The following FHIT variants were observed in gnomAD, a reference collection of about 807,000 sequenced individuals.
The protein encoded by FHIT is bis(5'-adenosyl)-triphosphatase.
Under a neutral mutation model 17.9 loss-of-function variants are expected in FHIT, and 19 were observed. That is an observed-to-expected ratio of 1.06 (90% CI 0.74 to 1.56). The LOEUF (loss-of-function observed/expected upper bound fraction) is 1.56, where lower values mean the gene tolerates loss of function less well. Among genes scored for constraint, FHIT ranks in the 40% most tolerant of loss-of-function variants. The probability of loss-of-function intolerance (pLI) is 0.00; values close to 1 mark genes in which losing one functional copy is unlikely to be tolerated. For synonymous variants in FHIT, 81 were observed against 69.7 expected, an observed-to-expected ratio of 1.16 and a Z score of -0.81; for missense variants, 248 against 189.2, an observed-to-expected ratio of 1.31 and a Z score of -1.82.
chr3:60,142,524 T>C lies in FHIT; in HGVS notation c.104-128372A>G, dbSNP rs1265224094. Among the ~76,000 whole-genome samples, 3 of 152,032 alleles carry C rather than the reference T, an allele frequency of 2.0e-5. No homozygotes were observed. In the East Asian group the frequency reaches 5.8e-4, roughly 29 times the overall value. ...GTTGTTGTTATTGTTTTACAAAGGGTTTCTCAGTCTGTTGTCCAGGCTGCA... is the reference window on the plus strand; with the variant it reads ...GTTGTTGTTATTGTTTTACAAAGGGCTTCTCAGTCTGTTGTCCAGGCTGCA... On this transcript the variant is annotated intron_variant, in intron 5 of 9. Coordinates refer to ENST00000492590, the MANE Select transcript of FHIT (RefSeq NM_002012.4).
At chr3:60,221,676 T>A (rs1233026261) in intron 5 of FHIT, among the ~76,000 whole-genome samples, 1 of 152,108 alleles carries the variant, frequency 6.6e-6, no homozygotes, top group Non-Finnish European at 1.5e-5. Flanking sequence ...TAATCCCAGC[T>A]CATAGTCATT....
At chr3:60,643,144 G>A (rs1192200329) in intron 4 of FHIT, among the ~76,000 whole-genome samples, 1 of 152,112 alleles carries the variant, frequency 6.6e-6, no homozygotes, top group Non-Finnish European at 1.5e-5. Context: ...TCGAATGAAT[G>A]AGTCTTCACT....
chr3:60,842,645 AT>A (rs1170383044), intron 3 of FHIT, among the ~76,000 whole-genome samples: 1,350 of 94,528 alleles, frequency 0.014, 20 homozygotes, highest in African/African-American at 0.048. Flanking sequence ...ATATATATAT[AT>A]TTTTTTTTTT....
At chr3:60,407,002 A>G (rs1701885407) in intron 5 of FHIT, among the ~76,000 whole-genome samples, 1 of 150,284 alleles carries the variant, frequency 6.7e-6, no homozygotes, top group East Asian at 2.0e-4. Context: ...CTTTCTGTCA[A>G]TTCTCAAGTC....
chr3:61,240,612 C>G (rs1428927799), intron 1 of FHIT, among the ~76,000 whole-genome samples: 1 of 152,164 alleles, frequency 6.6e-6, no homozygotes, highest in African/African-American at 2.4e-5. Context: ...TCAGCCCATA[C>G]AATTGAGTCT....
chr3:60,963,918 G>C (rs1394493516), intron 3 of FHIT, among the ~76,000 whole-genome samples: 1 of 152,168 alleles, frequency 6.6e-6, no homozygotes, highest in African/African-American at 2.4e-5. Context: ...TTGATTTGGG[G>C]TGGAGAGTTC....
At chr3:59,866,448 T>C (rs777245510) in intron 8 of FHIT, among the ~76,000 whole-genome samples, 2 of 152,138 alleles carry the variant, frequency 1.3e-5, no homozygotes, top group Admixed American at 1.3e-4. Context: ...TGTGTAGTGG[T>C]TGGAAGCCAA....
intron 4 of FHIT, among the ~76,000 whole-genome samples, chr3:60,748,482 G>A (rs1376895578): frequency 2.6e-5 from 4 of 152,060 alleles, no homozygotes; most frequent in Non-Finnish European, 5.9e-5. Flanking sequence ...ATATAAAATA[G>A]CAAATATAAC....
intron 5 of FHIT, among the ~76,000 whole-genome samples, chr3:60,223,340 C>G (rs1704048034): frequency 6.6e-6 from 1 of 152,186 alleles, no homozygotes; most frequent in Non-Finnish European, 1.5e-5. Flanking sequence ...TAGCAAAAGG[C>G]AGAAGTCGTG....
intron 2 of FHIT, among the ~76,000 whole-genome samples, chr3:61,059,588 G>A (rs73108397): frequency 0.013 from 2,012 of 152,104 alleles, 26 homozygotes; most frequent in Non-Finnish European, 0.02. Context: ...AAAGTAGGAG[G>A]AAATGGAGAC....
At position 60,383,887 on chromosome 3, in the gene FHIT, C is replaced by G. The variant is rs145340162; in HGVS notation, c.103+152973G>C. Among the ~76,000 whole-genome samples the G allele has an allele frequency of 8.7e-3, 1,305 of 149,504 alleles. 24 individuals carry two copies. The highest frequency in any genetic ancestry group is 0.032 in the African/African-American group (1,261 of 38,954). ...GTCAAGTTCTCACTGTCAAAAAAGA[C>G]ATATTAATTGCAAAAAAGCAAAAAC... On this transcript the variant is annotated intron_variant, in intron 5 of 9. Transcript: ENST00000492590.
intron 3 of FHIT, among the ~76,000 whole-genome samples, chr3:60,939,961 T>C (rs1260102617): frequency 3.9e-5 from 6 of 152,076 alleles, no homozygotes; most frequent in Non-Finnish European, 5.9e-5. Flanking sequence ...AAAATCATAT[T>C]GTACTTTTTA....
intron 3 of FHIT, among the ~76,000 whole-genome samples, chr3:61,000,705 G>T (rs1011085604): frequency 6.6e-6 from 1 of 152,154 alleles, no homozygotes; most frequent in Non-Finnish European, 1.5e-5. Flanking sequence ...GTTCCGTGGG[G>T]TTTCCTTTTT....
rs145930668 is a variant in FHIT, at chr3:60,131,326, G to T, written c.104-117174C>A. 2.4e-4 allele frequency among the ~76,000 whole-genome samples: 37 copies of T among 151,200 alleles called. 1 individual carries two copies. The East Asian group carries it at 7.2e-3, about 29-fold the overall frequency. On this transcript the variant is annotated intron_variant, in intron 5 of 9. Transcript: ENST00000492590. ...TTTTATTTGCATTATTTTTATTGTTGTATTACTTTTTATGGTTTTTTTCCC... is the reference window on the plus strand; with the variant it reads ...TTTTATTTGCATTATTTTTATTGTTTTATTACTTTTTATGGTTTTTTTCCC...
intron 5 of FHIT, among the ~76,000 whole-genome samples, chr3:60,465,893 C>T (rs1050900541): frequency 1.3e-5 from 2 of 151,846 alleles, no homozygotes; most frequent in South Asian, 2.1e-4. Flanking sequence ...TATGTAAATG[C>T]TAAGATTATT....
intron 3 of FHIT, among the ~76,000 whole-genome samples, chr3:60,857,207 A>G (rs1575602618): frequency 6.6e-6 from 1 of 152,284 alleles, no homozygotes; most frequent in East Asian, 1.9e-4. Flanking sequence ...AAGGGCATGT[A>G]TGAAAAACAG....
chr3:60,127,101 G>C (rs527921538), intron 5 of FHIT, among the ~76,000 whole-genome samples: 9 of 151,812 alleles, frequency 5.9e-5, no homozygotes, highest in Non-Finnish European at 1.3e-4. Context: ...TTCTACTTGT[G>C]CAATCTCCCA....
At chr3:60,524,019 T>C (rs543895889) in intron 5 of FHIT, among the ~76,000 whole-genome samples, 1 of 152,212 alleles carries the variant, frequency 6.6e-6, no homozygotes, top group Non-Finnish European at 1.5e-5. Context: ...TCTTTTATCT[T>C]TAGAGCTAAA....
At chr3:59,844,596 T>C (rs778706712) in intron 8 of FHIT, among the ~76,000 whole-genome samples, 4 of 152,208 alleles carry the variant, frequency 2.6e-5, no homozygotes, top group Non-Finnish European at 5.9e-5. Flanking sequence ...TTCTTCCTCT[T>C]CTTGCTCTGC....
Sources: allele counts gnomAD v4.1 joint callset (sites outside exome capture counted in the v4.1 genomes callset), GRCh38; gene constraint gnomAD v4.1.1; transcripts MANE v1.5; gene names NCBI Gene and HGNC (gene_info 2026-07-23, HGNC 2026-07-21).